OTULIN: variants seen among roughly 807,000 people sequenced by gnomAD.
The protein encoded by OTULIN is OTU deubiquitinase with linear linkage specificity, also known as ubiquitin thioesterase otulin.
Under a neutral mutation model 39.6 loss-of-function variants are expected in OTULIN, and 15 were observed. That is an observed-to-expected ratio of 0.38 (90% CI 0.25 to 0.58). The LOEUF is 0.58. Ranked by LOEUF, OTULIN falls within the 20% of genes least tolerant of loss-of-function variation. OTULIN has a pLI of 0.66. For synonymous variants in OTULIN, 156 were observed against 170.3 expected (o/e 0.92, Z 0.65); for missense variants, 319 against 445.9 (o/e 0.72, Z 2.56).
At chr5:14,713,746 C>T in the OTULIN span, 2 of 1,598,698 alleles carry the variant, frequency 1.3e-6, no homozygotes, top group Admixed American at 1.7e-5. The surrounding 1 kb of genome is among the most constrained non-coding windows in gnomAD (Gnocchi z 4.4). Flanking sequence ...CAGGGCAGCA[C>T]ATCCGAGAGC....
At position 14,695,206 on chromosome 5, in the gene OTULIN, A is replaced by G. The variant is rs913775068; in HGVS notation, c.*2158A>G. On this transcript the variant is annotated 3_prime_UTR_variant, in exon 7 of 7. Coordinates refer to ENST00000284274, the MANE Select transcript of OTULIN (RefSeq NM_138348.6). ...TTTAGTGTGATCATGGCGTCAGAGA[A>G]GCAAAGCTTTCAAATAAATAGTACT... 6.6e-6 allele frequency: 1 copy of G among 152,234 alleles called. No homozygotes were observed. Among genetic ancestry groups the G allele is most frequent in the Non-Finnish European group, 1.5e-5 (1 of 68,044 alleles). 9.4% of individuals were successfully genotyped at this position (152,234 alleles called of 1,614,324 possible). A position where few individuals can be genotyped will look rare whatever the true frequency, so the allele number is the denominator to read the frequency against.
At chr5:14,669,499 C>T (rs1414776201) in intron 1 of OTULIN, among the ~76,000 whole-genome samples, 2 of 152,148 alleles carry the variant, frequency 1.3e-5, no homozygotes, top group East Asian at 1.9e-4. Flanking sequence ...AGGCTGAGCA[C>T]GGTGGCTCAC....
At chr5:14,675,790 C>T (rs1736090332) in intron 2 of OTULIN, among the ~76,000 whole-genome samples, 1 of 152,130 alleles carries the variant, frequency 6.6e-6, no homozygotes, top group South Asian at 2.1e-4. Flanking sequence ...CATTTGTTAC[C>T]CTCTCAGAGC....
rs1295118301 is a variant in OTULIN at position 14,699,387 on chromosome 5, A to G, written c.*6339A>G. ...ATGGAGCTGGGCTTCTGAAGAACCC[A>G]GTGGGTAGGTACTGGGCATCCATTA... is the stretch of plus-strand genomic sequence containing the variant. On this transcript the variant is annotated 3_prime_UTR_variant, in exon 7 of 7. Coordinates refer to ENST00000284274, the MANE Select transcript of OTULIN (RefSeq NM_138348.6). 1 of 152,230 alleles carries G rather than the reference A, an allele frequency of 6.6e-6. No individual in the cohort carries two copies. The highest frequency in any genetic ancestry group is 2.4e-5 in the African/African-American group (1 of 41,464). 9.4% of individuals were successfully genotyped at this position (152,230 alleles called of 1,614,324 possible).
In OTULIN at chr5:14,687,550, C is replaced by G. The variant is rs376739310; in HGVS notation, c.498C>G (p.Asn166Lys). ...LLPEKLISKY[N>K]WIKQWKLGLK... The stretch of plus-strand genomic sequence containing the variant: ...CAGAAAAACTCATAAGCAAATACAA[C>G]TGGATCAAGCAATGGAAACTTGGAC... Residue 166 changes from asparagine to lysine, a missense_variant, in exon 5 of 7, where the codon AAC becomes AAG. Physicochemically the swap from Asn to Lys is moderately conservative, Grantham distance 94 (BLOSUM62 0). This residue lies in a region of OTULIN where 54 missense variants were observed against 50.7 expected (regional missense o/e 1.07). Transcript: ENST00000284274. The G allele has an allele frequency of 6.2e-7, 1 of 1,613,840 alleles. No homozygotes were observed. Among genetic ancestry groups the G allele is most frequent in the Non-Finnish European group, 8.5e-7 (1 of 1,179,922 alleles).
chr5:14,693,144 C>A lies in OTULIN; in HGVS notation c.*96C>A. ...GTTTGGGGGTCTCTAAGAACAATCTCTGAGAAGAACCCTTGGGCCCCTGGG... is the reference window on the plus strand; with the variant it reads ...GTTTGGGGGTCTCTAAGAACAATCTATGAGAAGAACCCTTGGGCCCCTGGG... On this transcript the variant is annotated 3_prime_UTR_variant, in exon 7 of 7. Coordinates refer to ENST00000284274, the MANE Select transcript of OTULIN (RefSeq NM_138348.6). The A allele has an allele frequency of 8.1e-7, 1 of 1,230,526 alleles. No homozygotes were observed. Among genetic ancestry groups the A allele is most frequent in the Non-Finnish European group, 1.1e-6 (1 of 892,060 alleles). The allele number at this position is 1,230,526 out of a possible 1,614,324, so 76.2% of individuals were successfully genotyped here.
At chr5:14,676,024 C>G (rs766752022) in intron 2 of OTULIN, among the ~76,000 whole-genome samples, 1 of 152,150 alleles carries the variant, frequency 6.6e-6, no homozygotes, top group East Asian at 1.9e-4. Context: ...GCTCTCCAAG[C>G]CTTAACTTAT....
At chr5:14,706,517 TATC>T in the OTULIN span, 1 of 152,354 alleles carries the variant, frequency 6.6e-6, no homozygotes, top group African/African-American at 2.4e-5. Flanking sequence ...CTTAAGGTCT[TATC>T]ATCTCGTTTT....
intron 5 of OTULIN, among the ~76,000 whole-genome samples, chr5:14,689,383 C>T (rs747825762): frequency 7.2e-5 from 11 of 152,238 alleles, no homozygotes; most frequent in Middle Eastern, 6.8e-3. Flanking sequence ...TTTATGTTGG[C>T]GTCTCTTATT....
intron 4 of OTULIN, among the ~76,000 whole-genome samples, chr5:14,684,928 C>T (rs973886977): frequency 6.6e-6 from 1 of 152,208 alleles, no homozygotes; most frequent in Admixed American, 6.5e-5. Context: ...GGCTGTCCCT[C>T]ACCTCCTGTC....
At chr5:14,711,428 T>C in the OTULIN span, 2 of 844,104 alleles carry the variant, frequency 2.4e-6, no homozygotes, top group East Asian at 2.4e-5. Flanking sequence ...GCTTAAACCT[T>C]CTTATGGTTG....
chr5:14,689,721 G>A (rs1267934530), intron 5 of OTULIN, among the ~76,000 whole-genome samples: 1 of 152,130 alleles, frequency 6.6e-6, no homozygotes, highest in East Asian at 1.9e-4. Flanking sequence ...TCACACACAT[G>A]TGTTAGCTCT....
the OTULIN span, chr5:14,704,880 T>G: frequency 6.6e-6 from 1 of 152,126 alleles, no homozygotes; most frequent in African/African-American, 2.4e-5. Flanking sequence ...TGAATACAAA[T>G]CCATAAACCC....
chr5:14,667,725 C>G (rs1023463698), intron 1 of OTULIN, among the ~76,000 whole-genome samples: 2 of 152,180 alleles, frequency 1.3e-5, no homozygotes, highest in African/African-American at 2.4e-5. Flanking sequence ...TCCCTCTCTT[C>G]CTTCCTTTTT....
intron 1 of OTULIN, among the ~76,000 whole-genome samples, chr5:14,667,313 C>T (rs1308725086): frequency 6.6e-6 from 1 of 152,196 alleles, no homozygotes; most frequent in Non-Finnish European, 1.5e-5. Flanking sequence ...CCACTAAGCT[C>T]ATCGCATTTC....
chr5:14,700,310 C>CA (rs1736770777), downstream of OTULIN, among the ~76,000 whole-genome samples: 1 of 152,160 alleles, frequency 6.6e-6, no homozygotes, highest in African/African-American at 2.4e-5. Context: ...TTTTAGTTCA[C>CA]AAAGGGTTTG....
intron 1 of OTULIN, among the ~76,000 whole-genome samples, chr5:14,667,263 T>G (rs1309519860): frequency 6.6e-6 from 1 of 152,206 alleles, no homozygotes; most frequent in Admixed American, 6.5e-5. Context: ...AGAGATGGCT[T>G]ATTTCCTAGG....
intron 1 of OTULIN, among the ~76,000 whole-genome samples, chr5:14,668,762 T>G (rs1735911884): frequency 6.6e-6 from 1 of 152,246 alleles, no homozygotes; most frequent in African/African-American, 2.4e-5. Flanking sequence ...GCATATACAT[T>G]AGAATTGATT....
the OTULIN span, chr5:14,709,932 G>GTTCT: frequency 3.3e-5 from 5 of 152,114 alleles, no homozygotes; most frequent in African/African-American, 1.2e-4. Context: ...TTTTTTTTAG[G>GTTCT]TTCTTTCAGT....
Sources: allele counts gnomAD v4.1 joint callset (sites outside exome capture counted in the v4.1 genomes callset), GRCh38; gene constraint gnomAD v4.1.1; regional missense constraint gnomAD v4.1.1; non-coding constraint Gnocchi (gnomAD v3.1); transcripts MANE v1.5; gene names NCBI Gene and HGNC (gene_info 2026-07-23, HGNC 2026-07-21).